MKKS: variants seen among roughly 807,000 people sequenced by gnomAD.
MKKS encodes MKKS centrosomal shuttling protein, also known as molecular chaperone MKKS.
A neutral mutation model predicts 33.2 loss-of-function variants in MKKS; 29 were observed. The ratio of observed to expected loss-of-function variants is 0.87; its 90% confidence interval spans 0.65 to 1.19. The LOEUF (loss-of-function observed/expected upper bound fraction) is 1.19. Among genes scored for constraint, MKKS ranks in the 50% most tolerant of loss-of-function variants. The pLI, the probability that MKKS is intolerant of heterozygous loss-of-function variation, is 0.00. For synonymous variants in MKKS, 260 were observed against 244.0 expected (o/e 1.07, Z -0.61); for missense variants, 661 against 662.3 (o/e 1.00, Z 0.02).
chr20:10,415,907 ATTTT>A, intron 2 of MKKS, among the ~76,000 whole-genome samples: 1 of 152,094 alleles, frequency 6.6e-6, no homozygotes, highest in South Asian at 2.1e-4. Flanking sequence ...CTCCCAAATC[ATTTT>A]AAAGATGCCA....
At chr20:10,421,627 A>G (rs2064981358) in intron 1 of MKKS, among the ~76,000 whole-genome samples, 1 of 152,058 alleles carries the variant, frequency 6.6e-6, no homozygotes, top group Non-Finnish European at 1.5e-5. Flanking sequence ...ATGTAATGCC[A>G]TTTCCACATT....
intron 3 of MKKS, among the ~76,000 whole-genome samples, chr20:10,409,739 G>A (rs1377311599): frequency 1.3e-5 from 2 of 152,042 alleles, no homozygotes; most frequent in African/African-American, 4.8e-5. Context: ...TTAGGAGGCT[G>A]AGGCGGGCAT....
At chr20:10,421,834 C>T (rs1037852586) in intron 1 of MKKS, among the ~76,000 whole-genome samples, 1 of 151,666 alleles carries the variant, frequency 6.6e-6, no homozygotes, top group Non-Finnish European at 1.5e-5. Context: ...CAGAAAGATG[C>T]TATGTTTGAT....
chr20:10,428,308 T>G (rs569211502), intron 1 of MKKS, among the ~76,000 whole-genome samples: 1 of 152,296 alleles, frequency 6.6e-6, no homozygotes, highest in South Asian at 2.1e-4. Context: ...ATAGCCAGAT[T>G]GTTCCAGATC....
At chr20:10,428,709 T>A (rs62187243) in intron 1 of MKKS, among the ~76,000 whole-genome samples, 1,710 of 152,200 alleles carry the variant, frequency 0.011, 17 homozygotes, top group Middle Eastern at 0.027. Context: ...ATGTGGTGGG[T>A]GCACCTGTAA....
Position 10,410,031 on chromosome 20 carries a change from T to A in MKKS, c.986-1228A>T, listed in dbSNP as rs189789766. Among the ~76,000 whole-genome samples, 466 of 136,026 alleles carry A rather than the reference T, an allele frequency of 3.4e-3. 1 individual carries two copies. The highest frequency in any genetic ancestry group is 0.012 in the African/African-American group (442 of 37,150). 89.2% of individuals were successfully genotyped at this position (136,026 alleles called of 152,430 possible). A position where few individuals can be genotyped will look rare whatever the true frequency, so the allele number is the denominator to read the frequency against. ...GCTAAAATGCCTAAAAACACTTCCA[T>A]CTCAAAAAATTTATAGAATATAATC... On this transcript the variant is annotated intron_variant, in intron 3 of 5. Transcript: ENST00000347364.
rs1398715312 is a variant in MKKS, at chr20:10,405,526, C to T, written c.1434G>A (p.Trp478Ter). 2.5e-6 allele frequency: 4 copies of T among 1,614,054 alleles called. No homozygotes were observed. Among genetic ancestry groups the T allele is most frequent in the Non-Finnish European group, 3.4e-6 (4 of 1,180,046 alleles). Residue 478 changes from tryptophan to a stop codon, truncating the protein, a stop_gained, in exon 6 of 6, where the codon TGG becomes TGA. Transcript: ENST00000347364. LOFTEE classifies it high-confidence loss of function. ...CACAGGGAGAATCTGCCTGAACTGA[C>T]CAAAGGTGTCCATACTTCATGTCAG... is the stretch of plus-strand genomic sequence containing the variant. ...ILTDMKYGHL[W>*]SVQADSPCVA...
chr20:10,427,547 C>T (rs770499861), intron 1 of MKKS, among the ~76,000 whole-genome samples: 8 of 152,108 alleles, frequency 5.3e-5, no homozygotes, highest in Non-Finnish European at 1.2e-4. Flanking sequence ...TTCTTCATTT[C>T]TGAATTCTCA....
At chr20:10,427,653 C>T (rs537811140) in intron 1 of MKKS, among the ~76,000 whole-genome samples, 86 of 152,306 alleles carry the variant, frequency 5.6e-4, no homozygotes, top group Non-Finnish European at 6.0e-4. Flanking sequence ...AAAGACTGCA[C>T]GTGGTCTTCA....
chr20:10,412,798 G>A lies in MKKS; in HGVS notation c.717C>T (p.Leu239=), dbSNP rs1214711344. The change falls in exon 3 of 6, where the codon CTC becomes CTT. Residue 239 remains leucine (L), a synonymous_variant. Transcript: ENST00000347364. The part of the protein sequence containing the change: ...RLLPIKKSTA[L]KVALFCTTLS... ...AAGTTGTACAAAAGAGTGCCACCTT[G>A]AGGGCAGTTGATTTTTTGATAGGTA... The A allele has an allele frequency of 6.2e-7, 1 of 1,614,182 alleles. No individual in the cohort carries two copies. Among genetic ancestry groups the A allele is most frequent in the Non-Finnish European group, 8.5e-7 (1 of 1,180,028 alleles).
intron 2 of MKKS, 106 bp from the exon 3 acceptor site, chr20:10,414,037 AACT>A (rs1277506960): frequency 5.2e-6 from 2 of 384,150 alleles, no homozygotes; most frequent in African/African-American, 4.1e-5. Flanking sequence ...TAGAAAAAGG[AACT>A]ACTAACTGGC....
At chr20:10,406,198 C>G (rs1318831152) in intron 5 of MKKS, among the ~76,000 whole-genome samples, 1 of 152,144 alleles carries the variant, frequency 6.6e-6, no homozygotes, top group Non-Finnish European at 1.5e-5. Context: ...ATATTCTTCT[C>G]TTTAAATTAA....
At chr20:10,421,906 A>G (rs1350537961) in intron 1 of MKKS, among the ~76,000 whole-genome samples, 1 of 152,074 alleles carries the variant, frequency 6.6e-6, no homozygotes, top group Admixed American at 6.6e-5. Context: ...TACTCTTAAT[A>G]AGGACTGCTC....
Position 10,428,254 on chromosome 20 carries a change from G to T in MKKS, c.-649+5854C>A, listed in dbSNP as rs1195391630. ...TGTTTTTACACCCTGGCTGCCATTTGATGCTGGTGATTGGTGGAGGAGAGG... is the reference window on the plus strand; with the variant it reads ...TGTTTTTACACCCTGGCTGCCATTTTATGCTGGTGATTGGTGGAGGAGAGG... On this transcript the variant is annotated intron_variant, in intron 1 of 5. Transcript: ENST00000347364. Among the ~76,000 whole-genome samples the T allele has an allele frequency of 3.9e-4, 59 of 152,224 alleles. 1 individual carries two copies. Among genetic ancestry groups the T allele is most frequent in the Admixed American group, 3.9e-3 (59 of 15,284 alleles).
chr20:10,433,281 G>C (rs1248213722), intron 1 of MKKS, among the ~76,000 whole-genome samples: 1 of 152,208 alleles, frequency 6.6e-6, no homozygotes, highest in Non-Finnish European at 1.5e-5. Context: ...CGGGGTTACA[G>C]GGGTGAGCCA....
At chr20:10,423,467 T>C (rs979329167) in intron 1 of MKKS, among the ~76,000 whole-genome samples, 2 of 152,066 alleles carry the variant, frequency 1.3e-5, no homozygotes, top group Non-Finnish European at 2.9e-5. Flanking sequence ...GATAAAAGGA[T>C]GTAATAATAA....
intron 1 of MKKS, among the ~76,000 whole-genome samples, chr20:10,427,287 C>A (rs992248931): frequency 1.3e-5 from 2 of 152,090 alleles, no homozygotes; most frequent in Admixed American, 1.3e-4. Context: ...GCTTGCTGGG[C>A]GCCATCTGCT....
At chr20:10,421,036 A>C (rs1422306734) in intron 1 of MKKS, among the ~76,000 whole-genome samples, 1 of 152,220 alleles carries the variant, frequency 6.6e-6, no homozygotes, top group Non-Finnish European at 1.5e-5. Flanking sequence ...AGCTATATGA[A>C]TCTTTGAAAA....
chr20:10,423,231 G>A (rs2064993549), intron 1 of MKKS, among the ~76,000 whole-genome samples: 1 of 152,012 alleles, frequency 6.6e-6, no homozygotes, highest in African/African-American at 2.4e-5. Flanking sequence ...TTGAGCCTAG[G>A]CAACGTGGCA....
Sources: allele counts gnomAD v4.1 joint callset (sites outside exome capture counted in the v4.1 genomes callset), GRCh38; gene constraint gnomAD v4.1.1; transcripts MANE v1.5; gene names NCBI Gene and HGNC (gene_info 2026-07-23, HGNC 2026-07-21).